FSTL5: variants seen among roughly 807,000 people sequenced by gnomAD.
The protein encoded by FSTL5 is follistatin like 5, also known as follistatin-related protein 5.
FSTL5 carries 62 observed loss-of-function variants against 89.1 expected under a neutral mutation model. That is an observed-to-expected ratio of 0.70 (90% CI 0.57 to 0.86). The LOEUF is 0.86. Ranked by LOEUF, FSTL5 falls within the 40% of genes least tolerant of loss-of-function variation. The probability of loss-of-function intolerance (pLI) is 0.00; values close to 1 mark genes in which losing one functional copy is unlikely to be tolerated. For synonymous variants in FSTL5, 383 were observed against 346.2 expected, an observed-to-expected ratio of 1.11 and a Z score of -1.18; for missense variants, 1,057 against 1,001.6, an observed-to-expected ratio of 1.06 and a Z score of -0.75.
chr4:161,607,931 GTGT>G (rs1280242184), intron 7 of FSTL5, among the ~76,000 whole-genome samples: 1 of 152,116 alleles, frequency 6.6e-6, no homozygotes, highest in South Asian at 2.1e-4. Flanking sequence ...TCTTAAAGAA[GTGT>G]TGTTGTTGCT....
At chr4:161,453,982 C>T (rs79494310) in intron 15 of FSTL5, among the ~76,000 whole-genome samples, 8,011 of 152,114 alleles carry the variant, frequency 0.053, 666 homozygotes, top group African/African-American at 0.18. Flanking sequence ...ATATATCAAA[C>T]TTTGAAAATA....
chr4:162,043,452 A>G (rs1738049588), intron 2 of FSTL5: 1 of 152,194 alleles, frequency 6.6e-6, no homozygotes, highest in Non-Finnish European at 1.5e-5. Flanking sequence ...AAAAATGCTA[A>G]TGATCATATC....
intron 3 of FSTL5, among the ~76,000 whole-genome samples, chr4:162,019,605 C>A (rs745657929): frequency 6.6e-6 from 1 of 151,784 alleles, no homozygotes; most frequent in Non-Finnish European, 1.5e-5. Flanking sequence ...TGTACCTAAA[C>A]ACATCTTACT....
At chr4:162,149,961 TA>T (rs1343836129) in intron 1 of FSTL5, among the ~76,000 whole-genome samples, 2 of 152,188 alleles carry the variant, frequency 1.3e-5, no homozygotes, top group Non-Finnish European at 2.9e-5. Flanking sequence ...ACCACATTAA[TA>T]AAATTTGTTT....
intron 2 of FSTL5, among the ~76,000 whole-genome samples, chr4:162,078,643 A>G (rs1729965969): frequency 6.6e-6 from 1 of 151,822 alleles, no homozygotes; most frequent in African/African-American, 2.4e-5. Flanking sequence ...TTACTTTAGT[A>G]TCCAAAGGAG....
At chr4:161,656,598 A>G (rs1421615181) in intron 6 of FSTL5, 104 bp from the exon 7 acceptor site, 1 of 593,670 alleles carries the variant, frequency 1.7e-6, no homozygotes, top group East Asian at 3.3e-5. Flanking sequence ...ATTTGAATAA[A>G]AGGGAAAAAA....
chr4:162,043,732 T>C (rs1473444882), intron 2 of FSTL5, among the ~76,000 whole-genome samples: 3 of 152,222 alleles, frequency 2.0e-5, no homozygotes, highest in Non-Finnish European at 4.4e-5. Flanking sequence ...CTTTATCAAC[T>C]ACGTTTATGT....
chr4:161,633,145 G>A (rs545146107), intron 7 of FSTL5, among the ~76,000 whole-genome samples: 1 of 151,784 alleles, frequency 6.6e-6, no homozygotes, highest in Admixed American at 6.6e-5. Flanking sequence ...CCGGGGTCAC[G>A]TTGAAGTTGC....
At position 161,621,576 on chromosome 4, in the gene FSTL5, A is replaced by T. The variant is rs1735125023; in HGVS notation, c.895-34001T>A. On this transcript the variant is annotated intron_variant, in intron 7 of 15. Coordinates refer to ENST00000306100, the MANE Select transcript of FSTL5 (RefSeq NM_020116.5). The stretch of plus-strand genomic sequence containing the variant: ...TGACAATAGAAGAAACCAACAAAAT[A>T]GAATAAAGACAGAAAAGTTAACAAA... Among the ~76,000 whole-genome samples, 2 of 152,174 alleles carry T rather than the reference A, an allele frequency of 1.3e-5. 1 individual carries two copies. The highest frequency in any genetic ancestry group is 1.3e-4 in the Admixed American group (2 of 15,268).
chr4:162,146,661 G>GTCCCTTCCCT (rs200924276), intron 1 of FSTL5, among the ~76,000 whole-genome samples: 60 of 140,884 alleles, frequency 4.3e-4, no homozygotes, highest in African/African-American at 7.7e-4. Flanking sequence ...TTTACCTAAT[G>GTCCCTTCCCT]TCCCTTCCCT....
chr4:161,623,421 CCTA>C lies in FSTL5; in HGVS notation c.894+32904_894+32906del, dbSNP rs370221240. ...TGTTGAATTAGATTACATAAATTAT[CCTA>C]CATTTTAATTTTTTAATGAAATATT... On this transcript the variant is annotated intron_variant, in intron 7 of 15. Coordinates refer to ENST00000306100, the MANE Select transcript of FSTL5 (RefSeq NM_020116.5). Among the ~76,000 whole-genome samples the C allele has an allele frequency of 9.4e-3, 1,420 of 151,774 alleles. 14 individuals are homozygous for C. The highest frequency in any genetic ancestry group is 0.017 in the Non-Finnish European group (1,151 of 67,814).
intron 15 of FSTL5, chr4:161,387,002 C>A (rs908720476): frequency 6.6e-6 from 1 of 152,654 alleles, no homozygotes; most frequent in African/African-American, 2.4e-5. Context: ...TATTTGTTAT[C>A]CTATACTGAA....
intron 10 of FSTL5, among the ~76,000 whole-genome samples, chr4:161,523,501 A>G (rs770197948): frequency 1.2e-4 from 18 of 152,248 alleles, no homozygotes; most frequent in Non-Finnish European, 2.5e-4. Flanking sequence ...TTATTTTGAT[A>G]TAATTATATA....
intron 4 of FSTL5, among the ~76,000 whole-genome samples, chr4:161,898,805 A>G (rs1223177848): frequency 6.6e-6 from 1 of 151,388 alleles, no homozygotes; most frequent in African/African-American, 2.4e-5. Flanking sequence ...AATTTTTTGT[A>G]TTTTTAGTAG....
intron 4 of FSTL5, among the ~76,000 whole-genome samples, chr4:161,884,233 TAG>T (rs2126914084): frequency 6.6e-6 from 1 of 152,144 alleles, no homozygotes; most frequent in South Asian, 2.1e-4. Context: ...GTATTTTTAG[TAG>T]AGATATTGGC....
intron 3 of FSTL5, among the ~76,000 whole-genome samples, chr4:161,952,647 T>TAA (rs1305728459): frequency 6.6e-6 from 1 of 151,956 alleles, no homozygotes; most frequent in Non-Finnish European, 1.5e-5. Context: ...TTTACCTTAA[T>TAA]ATTTAAATTC....
intron 6 of FSTL5, among the ~76,000 whole-genome samples, chr4:161,682,991 C>G (rs1042004002): frequency 3.9e-5 from 6 of 152,104 alleles, no homozygotes; most frequent in African/African-American, 1.4e-4. Context: ...GTGATCCACC[C>G]ACCTCGGCCT....
At chr4:161,581,417 C>G (rs1234068187) in intron 8 of FSTL5, among the ~76,000 whole-genome samples, 1 of 152,192 alleles carries the variant, frequency 6.6e-6, no homozygotes, top group African/African-American at 2.4e-5. Context: ...TTGTAGATCT[C>G]ACTGTCTCAC....
chr4:161,575,753 G>A (rs936928907), intron 8 of FSTL5, among the ~76,000 whole-genome samples: 8 of 152,128 alleles, frequency 5.3e-5, no homozygotes, highest in Admixed American at 6.6e-5. Flanking sequence ...GTGCACGGCC[G>A]CCTAGGTTTT....
Sources: allele counts gnomAD v4.1 joint callset (sites outside exome capture counted in the v4.1 genomes callset), GRCh38; gene constraint gnomAD v4.1.1; transcripts MANE v1.5; gene names NCBI Gene and HGNC (gene_info 2026-07-23, HGNC 2026-07-21).